GRK5: variants seen among roughly 807,000 people sequenced by gnomAD.
The protein encoded by GRK5 is G protein-coupled receptor kinase 5.
A neutral mutation model predicts 78.4 loss-of-function variants in GRK5; 40 were observed. That is an observed-to-expected ratio of 0.51 (90% confidence interval 0.40 to 0.66). The LOEUF is 0.66. Among genes scored for constraint, GRK5 ranks in the 30% least tolerant of loss-of-function variants. The probability of loss-of-function intolerance (pLI) is 0.00; values close to 1 mark genes in which losing one functional copy is unlikely to be tolerated. For synonymous variants in GRK5, 289 were observed against 296.8 expected, an observed-to-expected ratio of 0.97 and a Z score of 0.27; for missense variants, 598 against 759.9, an observed-to-expected ratio of 0.79 and a Z score of 2.50.
At chr10:119,440,669 G>A (rs533919752) in intron 10 of GRK5, among the ~76,000 whole-genome samples, 3 of 152,030 alleles carry the variant, frequency 2.0e-5, no homozygotes, top group Non-Finnish European at 2.9e-5. Flanking sequence ...TGCTGCCTCA[G>A]CCTCCCAAGT....
At chr10:119,451,082 ATCGTCCCTGCCAGCCCCCCACCG>A (rs1564941020) in intron 13 of GRK5, among the ~76,000 whole-genome samples, 4 of 26,764 alleles carry the variant, frequency 1.5e-4, no homozygotes, top group Admixed American at 1.1e-3. Context: ...GCCCCCCACC[ATCGTCCCTGCCAGCCCCCCACCG>A]TCGTCCCTGC....
chr10:119,338,897 C>T (rs1271126441), intron 2 of GRK5, among the ~76,000 whole-genome samples: 1 of 152,148 alleles, frequency 6.6e-6, no homozygotes, highest in Non-Finnish European at 1.5e-5. Flanking sequence ...GGGTTTTTTC[C>T]ACCTAGTTTT....
At chr10:119,331,052 A>G (rs1230702606) in intron 2 of GRK5, among the ~76,000 whole-genome samples, 1 of 151,574 alleles carries the variant, frequency 6.6e-6, no homozygotes, top group Non-Finnish European at 1.5e-5. Flanking sequence ...GCCTGGCCCC[A>G]CCTCATTCAC....
At chr10:119,420,146 A>C (rs1028158945) in intron 4 of GRK5, among the ~76,000 whole-genome samples, 7 of 152,180 alleles carry the variant, frequency 4.6e-5, no homozygotes, top group Non-Finnish European at 1.0e-4. Flanking sequence ...TCATCTGCAA[A>C]ATGGACACTA....
intron 3 of GRK5, among the ~76,000 whole-genome samples, chr10:119,383,294 G>A (rs1851743052): frequency 6.6e-6 from 1 of 152,224 alleles, no homozygotes; most frequent in Admixed American, 6.5e-5. Context: ...CGTTTTTGCA[G>A]GGTGGAGTGG....
chr10:119,450,783 C>T (rs1853266690), intron 13 of GRK5, among the ~76,000 whole-genome samples: 1 of 152,112 alleles, frequency 6.6e-6, no homozygotes, highest in Non-Finnish European at 1.5e-5. Flanking sequence ...AGCAGCCCAC[C>T]GGTGCCCTCC....
At chr10:119,408,081 C>T (rs1264098105) in intron 4 of GRK5, among the ~76,000 whole-genome samples, 11 of 147,028 alleles carry the variant, frequency 7.5e-5, no homozygotes, top group African/African-American at 2.5e-4. Context: ...GAGAATCGCT[C>T]GAACCCAGGA....
At chr10:119,300,162 G>A (rs1194036848) in intron 1 of GRK5, among the ~76,000 whole-genome samples, 1 of 152,154 alleles carries the variant, frequency 6.6e-6, no homozygotes, top group Non-Finnish European at 1.5e-5. Flanking sequence ...AAATCTGCAT[G>A]TCTCATGACC....
At chr10:119,246,366 CT>C (rs1011622750) in intron 1 of GRK5, among the ~76,000 whole-genome samples, 57 of 151,628 alleles carry the variant, frequency 3.8e-4, no homozygotes, top group African/African-American at 1.3e-3. Flanking sequence ...GTACAGACGG[CT>C]TTTTTTTTCC....
chr10:119,431,606 C>A lies in GRK5; in HGVS notation c.738+79C>A. ...TCCCTCCCTCCGGAAGGGCGTGGTC[C>A]TCTAATGCGGCCGGTCCCCACCCCT... is the stretch of plus-strand genomic sequence containing the variant. On this transcript the variant is annotated intron_variant, in intron 8 of 15. Transcript: ENST00000392870. The surrounding 1 kb of genome is among the most constrained non-coding windows in gnomAD (Gnocchi z 4.8). The A allele has an allele frequency of 6.6e-7, 1 of 1,520,882 alleles. No individual in the cohort carries two copies. Among genetic ancestry groups the A allele is most frequent in the Non-Finnish European group, 8.9e-7 (1 of 1,126,080 alleles). The allele number at this position is 1,520,882 out of a possible 1,614,324, so 94.2% of individuals were successfully genotyped here.
chr10:119,450,592 A>G (rs1853259718), intron 13 of GRK5, among the ~76,000 whole-genome samples: 1 of 152,210 alleles, frequency 6.6e-6, no homozygotes, highest in South Asian at 2.1e-4. Context: ...TCTGAGGGTC[A>G]GAGCGACCAA....
chr10:119,440,711 C>T (rs536218012), intron 10 of GRK5, among the ~76,000 whole-genome samples: 9 of 152,242 alleles, frequency 5.9e-5, no homozygotes, highest in Admixed American at 1.3e-4. Context: ...CCACCACGCC[C>T]GGCTAATTTT....
chr10:119,421,835 TAAAGAAGGAAG>T (rs1852575542), intron 4 of GRK5, among the ~76,000 whole-genome samples: 1 of 151,558 alleles, frequency 6.6e-6, no homozygotes, highest in African/African-American at 2.4e-5. Flanking sequence ...AGAAAAGAAA[TAAAGAAGGAAG>T]GAAGGGATTT....
At chr10:119,405,086 G>A (rs943208991) in intron 4 of GRK5, among the ~76,000 whole-genome samples, 4 of 152,226 alleles carry the variant, frequency 2.6e-5, no homozygotes, top group African/African-American at 7.2e-5. Context: ...GGCAAGGGGG[G>A]TGCCAGTTTT....
At chr10:119,231,613 A>G (rs1162784756) in intron 1 of GRK5, among the ~76,000 whole-genome samples, 1 of 151,362 alleles carries the variant, frequency 6.6e-6, no homozygotes, top group Non-Finnish European at 1.5e-5. Flanking sequence ...AGGCTGAGAC[A>G]GGAGAATCGC....
chr10:119,303,353 G>C (rs1433095258), intron 1 of GRK5, among the ~76,000 whole-genome samples: 2 of 152,222 alleles, frequency 1.3e-5, no homozygotes, highest in Non-Finnish European at 2.9e-5. Flanking sequence ...TGTTACCTTA[G>C]ATGGGGCCTG....
At chr10:119,395,197 C>G (rs1290810591) in intron 3 of GRK5, among the ~76,000 whole-genome samples, 1 of 152,206 alleles carries the variant, frequency 6.6e-6, no homozygotes, top group Non-Finnish European at 1.5e-5. Flanking sequence ...GCCCTATCTC[C>G]CTGTGATCTA....
rs78400017 is a variant in GRK5, at chr10:119,255,747, G to A, written c.52+47778G>A. Among the ~76,000 whole-genome samples, 24 of 152,312 alleles carry A rather than the reference G, an allele frequency of 1.6e-4. No individual in the cohort carries two copies. In the East Asian group the frequency reaches 4.4e-3, roughly 28 times the overall value. On this transcript the variant is annotated intron_variant, in intron 1 of 15. Coordinates refer to ENST00000392870, the MANE Select transcript of GRK5 (RefSeq NM_005308.3). ...ACACGGGCTCCTTGAGGGACAAGGT[G>A]GTGAGTTAGCCCTCTTGCTTCGAGC...
intron 15 of GRK5, among the ~76,000 whole-genome samples, chr10:119,454,762 C>T (rs1473225965): frequency 6.6e-6 from 1 of 152,180 alleles, no homozygotes; most frequent in Non-Finnish European, 1.5e-5. Flanking sequence ...GCCGCCTCCA[C>T]CCTGATTGGA....
Sources: gnomAD v4.1 joint callset for allele counts (sites outside exome capture counted in the v4.1 genomes callset) on GRCh38, gnomAD v4.1.1 for gene constraint, Gnocchi (gnomAD v3.1) non-coding constraint, MANE v1.5 for transcripts, NCBI Gene and HGNC (gene_info 2026-07-23, HGNC 2026-07-21) for gene names.